UQCRC2: variants seen among roughly 807,000 people sequenced by gnomAD.
The protein encoded by UQCRC2 is cytochrome b-c1 complex subunit 2, mitochondrial.
A neutral mutation model predicts 55.6 loss-of-function variants in UQCRC2; 49 were observed. The observed-to-expected ratio is 0.88, with a 90% CI of 0.70 to 1.12. The LOEUF is 1.12. UQCRC2 is among the 50% of genes most tolerant of loss of function. The probability of loss-of-function intolerance (pLI) is 0.00; values close to 1 mark genes in which losing one functional copy is unlikely to be tolerated. For missense variants in UQCRC2, 506 were observed against 547.8 expected (o/e 0.92, Z 0.76); for synonymous variants, 193 against 192.0 (o/e 1.01, Z -0.04).
chr16:21,976,384 T>C, intron 12 of UQCRC2, 141 bp downstream of exon 12: 3 of 688,698 alleles, frequency 4.4e-6, no homozygotes, highest in Non-Finnish European at 7.2e-6. Context: ...ACCCATATCC[T>C]ACCACCTAAA....
At chr16:21,975,529 G>C (rs996829462) in intron 11 of UQCRC2, among the ~76,000 whole-genome samples, 2 of 152,110 alleles carry the variant, frequency 1.3e-5, no homozygotes, top group African/African-American at 4.8e-5. Context: ...GAAAATCATG[G>C]TCAGATTTAT....
chr16:21,957,033 C>T (rs1167489163), intron 1 of UQCRC2, among the ~76,000 whole-genome samples: 1 of 151,052 alleles, frequency 6.6e-6, no homozygotes, highest in African/African-American at 2.4e-5. Flanking sequence ...TGCGCCACTG[C>T]ACTCCAGCCT....
intron 3 of UQCRC2, among the ~76,000 whole-genome samples, chr16:21,958,150 T>C (rs532956971): frequency 3.9e-5 from 6 of 152,190 alleles, no homozygotes; most frequent in Non-Finnish European, 5.9e-5. Context: ...CCACAAGATA[T>C]TTGCCACAGA....
intron 1 of UQCRC2, among the ~76,000 whole-genome samples, chr16:21,956,298 C>G (rs1898085136): frequency 6.6e-6 from 1 of 152,082 alleles, no homozygotes; most frequent in East Asian, 1.9e-4. Context: ...AATTCTAGCA[C>G]TTTGTGAGGC....
intron 4 of UQCRC2, among the ~76,000 whole-genome samples, chr16:21,959,039 A>C (rs191411496): frequency 6.6e-6 from 1 of 152,218 alleles, no homozygotes; most frequent in Admixed American, 6.5e-5. Flanking sequence ...AGTTATCTGA[A>C]TCTTCAGCAA....
intron 11 of UQCRC2, among the ~76,000 whole-genome samples, chr16:21,974,547 A>G (rs779241224): frequency 1.3e-5 from 2 of 152,352 alleles, no homozygotes; most frequent in South Asian, 4.1e-4. Context: ...AAGCTAGGAC[A>G]TCATGGGTGA....
chr16:21,961,354 A>G, intron 4 of UQCRC2: 1 of 448,740 alleles, frequency 2.2e-6, no homozygotes, highest in South Asian at 1.6e-5. Flanking sequence ...TGACAGAGTC[A>G]TGATGAGACC....
Position 21,971,816 on chromosome 16 carries a change from G to T in UQCRC2, c.767-107G>T, listed in dbSNP as rs943705039. On this transcript the variant is annotated intron_variant, in intron 9 of 13. Coordinates refer to ENST00000268379, the MANE Select transcript of UQCRC2 (RefSeq NM_003366.4). ...GATGGCATGGGGAAAGCACCGAGCT[G>T]CAGAAAAGACTCGTGGGTTAATACT... is the stretch of plus-strand genomic sequence containing the variant. The T allele has an allele frequency of 6.0e-6, 9 of 1,508,708 alleles. No homozygotes were observed. The South Asian group carries it at 7.0e-5, about 12-fold the overall frequency. The allele number at this position is 1,508,708 out of a possible 1,614,324, so 93.5% of individuals were successfully genotyped here.
rs749037628 is a variant in UQCRC2 at position 21,972,076 on chromosome 16, G to T, written c.920G>T (p.Ser307Ile). The T allele has an allele frequency of 6.2e-7, 1 of 1,614,090 alleles. No homozygotes were observed. The highest frequency in any genetic ancestry group is 1.1e-5 in the South Asian group (1 of 91,078). ...PHVKRGSNTT[S>I]HLHQAVAKAT... ...GTCAAGAGGGGCAGCAACACCACCA[G>T]CCATCTGCACCAGGCTGTTGCCAAG... The change falls in exon 10 of 14, where the codon AGC (serine) becomes ATC (isoleucine). Residue 307 changes from serine to isoleucine, a missense_variant. Physicochemically the swap from Ser to Ile is moderately radical, Grantham distance 142. Coordinates refer to ENST00000268379, the MANE Select transcript of UQCRC2 (RefSeq NM_003366.4).
intron 4 of UQCRC2, chr16:21,959,486 C>T (rs1458312171): frequency 1.3e-5 from 2 of 158,352 alleles, no homozygotes; most frequent in Non-Finnish European, 2.8e-5. Context: ...TTCTAGTTCT[C>T]TTGCTACTCC....
At chr16:21,979,118 G>A (rs1196986629) in intron 12 of UQCRC2, among the ~76,000 whole-genome samples, 1 of 152,166 alleles carries the variant, frequency 6.6e-6, no homozygotes, top group Non-Finnish European at 1.5e-5. Context: ...TCAAGACTGT[G>A]ACCTTTATAA....
chr16:21,973,872 C>A, intron 10 of UQCRC2, 24 bp from the exon 11 acceptor site: 1 of 1,604,426 alleles, frequency 6.2e-7, no homozygotes, highest in South Asian at 1.1e-5. Context: ...GAATATCATA[C>A]AGTAAAGTCT....
At chr16:21,971,174 T>C (rs990156295) in intron 8 of UQCRC2, among the ~76,000 whole-genome samples, 1 of 152,206 alleles carries the variant, frequency 6.6e-6, no homozygotes, top group Non-Finnish European at 1.5e-5. Context: ...AGGGATTCTT[T>C]ATAACCATTA....
At position 21,971,514 on chromosome 16, in the gene UQCRC2, T is replaced by C; in HGVS notation, c.671-11T>C. ...GTGGTTCTAGCTTTGTTTTTGCTTC[T>C]GTTGAAACAGGTGTGAGTCATCCTG... On this transcript the variant is annotated splice_polypyrimidine_tract_variant and intron_variant, in intron 8 of 13. Transcript: ENST00000268379. The C allele has an allele frequency of 6.3e-7, 1 of 1,595,410 alleles. No homozygotes were observed. Among genetic ancestry groups the C allele is most frequent in the Non-Finnish European group, 8.5e-7 (1 of 1,170,480 alleles).
intron 7 of UQCRC2, among the ~76,000 whole-genome samples, chr16:21,965,901 C>A (rs1008647671): frequency 1.3e-5 from 2 of 152,102 alleles, no homozygotes; most frequent in African/African-American, 4.8e-5. Flanking sequence ...CTAGGCTGGT[C>A]TTGAACTCTT....
At chr16:21,957,878 T>A (rs1898116604) in intron 3 of UQCRC2, among the ~76,000 whole-genome samples, 1 of 152,250 alleles carries the variant, frequency 6.6e-6, no homozygotes, top group Admixed American at 6.5e-5. Flanking sequence ...TCATGTTCCT[T>A]GACCTGCAAC....
At chr16:21,970,758 G>A (rs1274703407) in intron 8 of UQCRC2, among the ~76,000 whole-genome samples, 3 of 151,964 alleles carry the variant, frequency 2.0e-5, no homozygotes, top group African/African-American at 4.8e-5. Flanking sequence ...GCTAATTTTT[G>A]TAATTTTAAT....
chr16:21,969,874 G>T (rs1176942534), intron 8 of UQCRC2, among the ~76,000 whole-genome samples: 6 of 143,714 alleles, frequency 4.2e-5, no homozygotes, highest in South Asian at 2.2e-4. Flanking sequence ...CTTTGTTTTT[G>T]TTTTTTTTTT....
chr16:21,969,775 T>C lies in UQCRC2; in HGVS notation c.670+1090T>C, dbSNP rs146933990. On this transcript the variant is annotated intron_variant, in intron 8 of 13. Coordinates refer to ENST00000268379, the MANE Select transcript of UQCRC2 (RefSeq NM_003366.4). ...CTATTACCACTACCTAATTTCAGGG[T>C]GTGTTCATCATCCCCCCAAAAGCCC... is the stretch of plus-strand genomic sequence containing the variant. Among the ~76,000 whole-genome samples, 15 of 152,218 alleles carry C rather than the reference T, an allele frequency of 9.9e-5. No individual in the cohort carries two copies. In the East Asian group the frequency reaches 2.9e-3, roughly 29 times the overall value.
Sources: gnomAD v4.1 joint callset for allele counts (sites outside exome capture counted in the v4.1 genomes callset) on GRCh38, gnomAD v4.1.1 for gene constraint, MANE v1.5 for transcripts, NCBI Gene and HGNC (gene_info 2026-07-23, HGNC 2026-07-21) for gene names.